The following TADA1 variants were observed in gnomAD, a reference collection of about 807,000 sequenced individuals.
TADA1 encodes the protein transcriptional adapter 1.
Under a neutral mutation model 39.3 loss-of-function variants are expected in TADA1, and 23 were observed. The ratio of observed to expected loss-of-function variants is 0.58; its 90% confidence interval spans 0.42 to 0.83. TADA1 has a LOEUF of 0.83. Among genes scored for constraint, TADA1 ranks in the 40% least tolerant of loss-of-function variants. The pLI is 0.00. For synonymous variants in TADA1, 137 were observed against 151.8 expected (o/e 0.90, Z 0.72); for missense variants, 352 against 408.1 (o/e 0.86, Z 1.18).
At chr1:166,868,220 G>C (rs972907413) in intron 3 of TADA1, among the ~76,000 whole-genome samples, 1 of 152,206 alleles carries the variant, frequency 6.6e-6, no homozygotes, top group African/African-American at 2.4e-5. Context: ...TAAGATGGTT[G>C]AGAGAGGTGA....
chr1:166,860,305 CA>C lies in TADA1; in HGVS notation c.572del (p.Val191GlyfsTer22). 6.2e-7 allele frequency: 1 copy of C among 1,613,320 alleles called. No homozygotes were observed. Among genetic ancestry groups the C allele is most frequent in the Non-Finnish European group, 8.5e-7 (1 of 1,179,732 alleles). On this transcript the variant is annotated frameshift_variant, in exon 6 of 8. Coordinates refer to ENST00000367874, the MANE Select transcript of TADA1 (RefSeq NM_053053.4). LOFTEE classifies it high-confidence loss of function. Reference protein sequence around the residue: ...NHLKDILTSVVSRRKAYRLRD... With the variant: ...NHLKDILTSVXSRRKAYRLRD... Reference sequence around the variant, plus strand: ...GTAACCGATAAGCTTTCCTTCTTGACACAACTGACGTCAGTATATCTTTAAG... The same window carrying C: ...GTAACCGATAAGCTTTCCTTCTTGACCAACTGACGTCAGTATATCTTTAAG...
In TADA1 at chr1:166,867,447, G is replaced by A. The variant is rs367911520; in HGVS notation, c.232+1998C>T. Among the ~76,000 whole-genome samples, 115 of 152,242 alleles carry A rather than the reference G, an allele frequency of 7.6e-4. No individual in the cohort carries two copies. The South Asian group carries it at 0.021, about 27-fold the overall frequency. On this transcript the variant is annotated intron_variant, in intron 3 of 7. Coordinates refer to ENST00000367874, the MANE Select transcript of TADA1 (RefSeq NM_053053.4). The stretch of plus-strand genomic sequence containing the variant: ...AATCTGACACAGTGTAAGAATGTGC[G>A]GTGATGAGTGTGGTGAGGGGAGGGA...
chr1:166,860,334 G>A lies in TADA1; in HGVS notation c.544C>T (p.His182Tyr), dbSNP rs1294584798. ...ACTGACGTCAGTATATCTTTAAGGT[G>A]ATTCTGTAAACATACAAAAAGAAAA... ...VSAVVYAVEN[H>Y]LKDILTSVVS... Residue 182 changes from histidine to tyrosine, a missense_variant, in exon 6 of 8, where the codon CAC (histidine) becomes TAC (tyrosine). Around this residue, in one of 3 missense-constraint regions of TADA1, gnomAD observed 285 missense variants for 310.9 expected, o/e 0.92. Transcript: ENST00000367874. 1.3e-6 allele frequency: 2 copies of A among 1,592,836 alleles called. No individual in the cohort carries two copies. The highest frequency in any genetic ancestry group is 8.5e-7 in the Non-Finnish European group (1 of 1,170,990).
In TADA1 at chr1:166,858,240, G is replaced by A; in HGVS notation, c.734C>T (p.Ala245Val). ...FTAPCAGQNP[A>V]SHPPPDDAEQ... ...AGCATCATCAGGGGGTGGGTGAGAA[G>A]CTGGATTCTGACCAGCACAGGGAGC... Residue 245 changes from alanine (A) to valine (V), a missense_variant, in exon 7 of 8, where the codon GCT becomes GTT. By Grantham distance (64) the Ala-to-Val change is moderately conservative (BLOSUM62 0). Coordinates refer to ENST00000367874, the MANE Select transcript of TADA1 (RefSeq NM_053053.4). 1 of 1,609,082 alleles carries A rather than the reference G, an allele frequency of 6.2e-7. No individual in the cohort carries two copies. Among genetic ancestry groups the A allele is most frequent in the Non-Finnish European group, 8.5e-7 (1 of 1,178,230 alleles).
At chr1:166,860,057 A>G (rs1658372551) in intron 6 of TADA1, 129 bp downstream of exon 6, 3 of 899,992 alleles carry the variant, frequency 3.3e-6, no homozygotes, top group Non-Finnish European at 4.8e-6. Flanking sequence ...ACTTTAAAAA[A>G]TAAAATTGTA....
intron 3 of TADA1, chr1:166,869,139 G>T: frequency 2.7e-6 from 1 of 370,820 alleles, no homozygotes; most frequent in Non-Finnish European, 5.3e-6. Flanking sequence ...TTTTTCTCCA[G>T]AAACAGAAAT....
At chr1:166,862,065 C>CTTCT (rs1362850086) in intron 5 of TADA1, 138 bp downstream of exon 5, 25 of 915,902 alleles carry the variant, frequency 2.7e-5, no homozygotes, top group Non-Finnish European at 3.8e-5. Flanking sequence ...TCAAAAAAAA[C>CTTCT]AGAAAACAAC....
At chr1:166,858,430 A>T (rs1400895821) in intron 6 of TADA1, 149 bp from the exon 7 acceptor site, 5 of 512,130 alleles carry the variant, frequency 9.8e-6, no homozygotes, top group Non-Finnish European at 1.3e-5. Context: ...ATAATCTGTA[A>T]TTTTAATTTT....
At chr1:166,863,640 A>T (rs1265511638) in intron 4 of TADA1, 184 bp downstream of exon 4, 2 of 606,128 alleles carry the variant, frequency 3.3e-6, no homozygotes, top group Non-Finnish European at 5.8e-6. Flanking sequence ...GCAGTAACAA[A>T]CAAGAACTAT....
chr1:166,863,929 A>G lies in TADA1; in HGVS notation c.233-8T>C, dbSNP rs1445505913. On this transcript the variant is annotated splice_region_variant and splice_polypyrimidine_tract_variant and intron_variant, in intron 3 of 7. Coordinates refer to ENST00000367874, the MANE Select transcript of TADA1 (RefSeq NM_053053.4). ...GCAAAGATCCAGCACCATCTAGGAGACAGAAATATATAACCATAAGTAAAA... is the reference window on the plus strand; with the variant it reads ...GCAAAGATCCAGCACCATCTAGGAGGCAGAAATATATAACCATAAGTAAAA... The G allele has an allele frequency of 1.3e-6, 2 of 1,588,546 alleles. No individual in the cohort carries two copies. Among genetic ancestry groups the G allele is most frequent in the Non-Finnish European group, 1.7e-6 (2 of 1,172,600 alleles).
chr1:166,865,856 G>A (rs1477675115), intron 3 of TADA1, among the ~76,000 whole-genome samples: 1 of 150,980 alleles, frequency 6.6e-6, no homozygotes, highest in African/African-American at 2.4e-5. Context: ...TTTTAAGAAA[G>A]AAAAAATCAC....
intron 3 of TADA1, among the ~76,000 whole-genome samples, chr1:166,868,356 T>C (rs1215734215): frequency 2.0e-5 from 3 of 152,204 alleles, no homozygotes; most frequent in Admixed American, 6.5e-5. Context: ...TGCTGAAGCT[T>C]GACCTTTCAG....
intron 1 of TADA1, among the ~76,000 whole-genome samples, chr1:166,873,123 G>A (rs1280254096): frequency 2.0e-5 from 3 of 151,974 alleles, no homozygotes; most frequent in Non-Finnish European, 4.4e-5. Flanking sequence ...ATACAAAAAT[G>A]AGTCGGACAT....
Position 166,873,270 on chromosome 1 carries a change from C to G in TADA1, c.74+2890G>C, listed in dbSNP as rs182777873. ...TGGGTGACAAAGTGAGACTCTCTCT[C>G]AAAATAAATAAATAAATGCATAAAT... On this transcript the variant is annotated intron_variant, in intron 1 of 7. Coordinates refer to ENST00000367874, the MANE Select transcript of TADA1 (RefSeq NM_053053.4). Among the ~76,000 whole-genome samples the G allele has an allele frequency of 2.4e-4, 37 of 152,230 alleles. No individual in the cohort carries two copies. In the East Asian group the frequency reaches 6.6e-3, roughly 27 times the overall value.
At chr1:166,862,176 G>T in intron 5 of TADA1, 27 bp downstream of exon 5, 3 of 1,608,430 alleles carry the variant, frequency 1.9e-6, no homozygotes, top group Non-Finnish European at 2.6e-6. Context: ...CAACCTGTAA[G>T]ATTATTTCTG....
Position 166,860,228 on chromosome 1 carries a change from T to A in TADA1, c.650A>T (p.Tyr217Phe). ...GTAAGCTACTACACTATTCTTCAGG[T>A]ATGGCTGCGGGGTCACGTTACTGCC... ...AFGSNVTPQP[Y>F]LKNSVVAYNN... Residue 217 changes from tyrosine to phenylalanine, a missense_variant, in exon 6 of 8, where the codon TAC becomes TTC. Tyr to Phe is a conservative substitution (Grantham distance 22, BLOSUM62 3). Coordinates refer to ENST00000367874, the MANE Select transcript of TADA1 (RefSeq NM_053053.4). 1.2e-6 allele frequency: 2 copies of A among 1,613,806 alleles called. No homozygotes were observed. Among genetic ancestry groups the A allele is most frequent in the Non-Finnish European group, 8.5e-7 (1 of 1,179,926 alleles).
chr1:166,866,750 A>ATT (rs140146592), intron 3 of TADA1, among the ~76,000 whole-genome samples: 17 of 146,878 alleles, frequency 1.2e-4, no homozygotes, highest in East Asian at 7.9e-4. Context: ...TTTTATTTTT[A>ATT]TTTTTTTTTT....
intron 1 of TADA1, 41 bp downstream of exon 1, chr1:166,876,119 C>G (rs763810747): frequency 6.3e-7 from 1 of 1,582,132 alleles, no homozygotes; most frequent in Non-Finnish European, 8.6e-7. Context: ...CAGGAGAGCA[C>G]CCGCGTGTTG....
chr1:166,867,345 T>C (rs1361255656), intron 3 of TADA1, among the ~76,000 whole-genome samples: 5 of 152,302 alleles, frequency 3.3e-5, no homozygotes, highest in South Asian at 2.1e-4. Flanking sequence ...TGTAACAAAA[T>C]AGATTATGAT....
Sources: allele counts gnomAD v4.1 joint callset (sites outside exome capture counted in the v4.1 genomes callset), GRCh38; gene constraint gnomAD v4.1.1; regional missense constraint gnomAD v4.1.1; transcripts MANE v1.5; gene names NCBI Gene and HGNC (gene_info 2026-07-23, HGNC 2026-07-21).